Variants in CLIC5 observed in about 807,000 individuals in gnomAD.
CLIC5 encodes the protein chloride intracellular channel protein 5.
Under a neutral mutation model 24.7 loss-of-function variants are expected in CLIC5, and 20 were observed. That is an observed-to-expected ratio of 0.81 (90% CI 0.57 to 1.18). The LOEUF is 1.18. CLIC5 is among the 50% of genes most tolerant of loss of function. The pLI, the probability that CLIC5 is intolerant of heterozygous loss-of-function variation, is 0.00. For synonymous variants in CLIC5, 159 were observed against 135.6 expected (o/e 1.17, Z -1.20); for missense variants, 341 against 326.1 (o/e 1.05, Z -0.35).
At chr6:45,960,624 T>C (rs1764813894) in intron 1 of CLIC5, among the ~76,000 whole-genome samples, 1 of 152,148 alleles carries the variant, frequency 6.6e-6, no homozygotes, top group Admixed American at 6.5e-5. Flanking sequence ...CCAGCACTCT[T>C]GACACAGAAA....
At chr6:46,085,971 G>A in the CLIC5 span, among the ~76,000 whole-genome samples, 1,346 of 152,292 alleles carry the variant, frequency 8.8e-3, 4 homozygotes, top group Non-Finnish European at 0.013. Context: ...CCCCAGCCTC[G>A]CTGCTGCCTT....
At chr6:46,022,720 C>T (rs183629633) in intron 1 of CLIC5, among the ~76,000 whole-genome samples, 97 of 152,308 alleles carry the variant, frequency 6.4e-4, no homozygotes, top group African/African-American at 2.3e-3. Flanking sequence ...AGTCAAGAGT[C>T]CTTGTCAAAA....
At chr6:45,897,502 C>T (rs1240928869), downstream of CLIC5, among the ~76,000 whole-genome samples, 1 of 152,048 alleles carries the variant, frequency 6.6e-6, no homozygotes, top group Non-Finnish European at 1.5e-5. Flanking sequence ...AGATGGGAGT[C>T]GGGATGGTGG....
rs372577963 is a variant in CLIC5, at chr6:46,000,040, G to A, written c.63+15440C>T. Among the ~76,000 whole-genome samples, 63 of 25,716 alleles carry A rather than the reference G, an allele frequency of 2.4e-3. 24 individuals are homozygous for A. The South Asian group carries it at 0.15, about 61-fold the overall frequency. The allele number at this position is 25,716 out of a possible 152,430, so 16.9% of individuals were successfully genotyped here. ...GCTGGGATTACAGGCGTGAGCCACC[G>A]CGCCCGGCCTTCCTTGTGGTTTTTT... On this transcript the variant is annotated intron_variant, in intron 1 of 5. Transcript: ENST00000339561.
chr6:46,046,256 A>C (rs554018882), intron 1 of CLIC5, among the ~76,000 whole-genome samples: 2 of 152,186 alleles, frequency 1.3e-5, no homozygotes, highest in Non-Finnish European at 2.9e-5. Flanking sequence ...ACAATCTCTA[A>C]GGTTCCTTTC....
At chr6:46,017,117 G>C (rs1562007062), upstream of CLIC5, among the ~76,000 whole-genome samples, 1 of 152,242 alleles carries the variant, frequency 6.6e-6, no homozygotes, top group East Asian at 1.9e-4. Flanking sequence ...ACTGCCATAG[G>C]TTTTCTAAAG....
chr6:46,062,903 A>C (rs183623527), intron 1 of CLIC5, among the ~76,000 whole-genome samples: 2 of 152,338 alleles, frequency 1.3e-5, no homozygotes, highest in African/African-American at 2.4e-5. Flanking sequence ...AGAGGTTAAA[A>C]GATGAAGTGA....
chr6:45,983,079 A>G (rs1183639962), intron 1 of CLIC5, among the ~76,000 whole-genome samples: 1 of 152,194 alleles, frequency 6.6e-6, no homozygotes, highest in Non-Finnish European at 1.5e-5. Context: ...AAATGCCAAT[A>G]AAACAAAGGA....
At chr6:46,103,082 C>G in the CLIC5 span, among the ~76,000 whole-genome samples, 225 of 151,816 alleles carry the variant, frequency 1.5e-3, 2 homozygotes, top group Middle Eastern at 6.8e-3. Context: ...TTGAGGATAA[C>G]AAACAGCAGT....
chr6:46,046,772 C>T (rs1212113773), intron 1 of CLIC5, among the ~76,000 whole-genome samples: 3 of 152,192 alleles, frequency 2.0e-5, no homozygotes, highest in Admixed American at 2.0e-4. Context: ...CAGACATGCA[C>T]AGGGGCCAGC....
At chr6:45,972,537 T>C (rs1052381123) in intron 1 of CLIC5, among the ~76,000 whole-genome samples, 2 of 152,234 alleles carry the variant, frequency 1.3e-5, no homozygotes, top group African/African-American at 4.8e-5. Context: ...GATAGTTTTC[T>C]TGTTAGGAGG....
At chr6:46,054,430 C>T (rs1304542962) in intron 1 of CLIC5, among the ~76,000 whole-genome samples, 2 of 152,198 alleles carry the variant, frequency 1.3e-5, no homozygotes, top group Non-Finnish European at 2.9e-5. Flanking sequence ...GTGATCCAAG[C>T]TAATCCCTGG....
chr6:45,933,560 A>C (rs920462235), intron 4 of CLIC5, among the ~76,000 whole-genome samples: 1 of 152,268 alleles, frequency 6.6e-6, no homozygotes, highest in African/African-American at 2.4e-5. Flanking sequence ...TTCGGAAGTT[A>C]GAAGCACCTT....
chr6:46,092,851 C>A, the CLIC5 span, among the ~76,000 whole-genome samples: 1 of 152,120 alleles, frequency 6.6e-6, no homozygotes, highest in Admixed American at 6.5e-5. Context: ...AAGTCCCAAC[C>A]AAATACTAAG....
chr6:45,948,012 T>G (rs1764342860), intron 3 of CLIC5, among the ~76,000 whole-genome samples: 1 of 152,214 alleles, frequency 6.6e-6, no homozygotes, highest in East Asian at 1.9e-4. Flanking sequence ...GTTTTAATTT[T>G]TTAACAGCAA....
intron 4 of CLIC5, among the ~76,000 whole-genome samples, chr6:45,935,291 G>A (rs759509770): frequency 1.3e-5 from 2 of 152,226 alleles, no homozygotes; most frequent in Non-Finnish European, 2.9e-5. Flanking sequence ...CCAGTGGCAG[G>A]CGGGGAGGGG....
intron 1 of CLIC5, among the ~76,000 whole-genome samples, chr6:46,028,842 T>A (rs1380534072): frequency 6.6e-6 from 1 of 152,208 alleles, no homozygotes; most frequent in Non-Finnish European, 1.5e-5. Flanking sequence ...ATTAGATAGT[T>A]TACATTTACT....
chr6:45,929,092 G>C (rs890026994), intron 4 of CLIC5, among the ~76,000 whole-genome samples: 1 of 151,890 alleles, frequency 6.6e-6, no homozygotes, highest in Non-Finnish European at 1.5e-5. Flanking sequence ...TAATGAATGC[G>C]CCCACCCACG....
chr6:45,920,676 C>T (rs908741043), intron 4 of CLIC5: 1 of 980,256 alleles, frequency 1.0e-6, no homozygotes, highest in Non-Finnish European at 1.2e-6. Context: ...AGAAGCCTTT[C>T]TTTCCACAGG....
Sources: gnomAD v4.1 joint callset for allele counts (sites outside exome capture counted in the v4.1 genomes callset) on GRCh38, gnomAD v4.1.1 for gene constraint, MANE v1.5 for transcripts, NCBI Gene and HGNC (gene_info 2026-07-23, HGNC 2026-07-21) for gene names.